EPAS1: variants seen among roughly 807,000 people sequenced by gnomAD.
EPAS1 encodes the protein endothelial PAS domain protein 1.
EPAS1 carries 23 observed loss-of-function variants against 87.9 expected under a neutral mutation model. The ratio of observed to expected loss-of-function variants is 0.26; its 90% CI spans 0.19 to 0.37. The LOEUF (loss-of-function observed/expected upper bound fraction) is 0.37, where lower values mean the gene tolerates loss of function less well. Among genes scored for constraint, EPAS1 ranks in the 10% least tolerant of loss-of-function variants. EPAS1 has a pLI of 1.00. For synonymous variants in EPAS1, 508 were observed against 444.3 expected, an observed-to-expected ratio of 1.14 and a Z score of -1.80; for missense variants, 1,138 against 1,120.7, an observed-to-expected ratio of 1.02 and a Z score of -0.22.
chr2:46,308,970 C>T (rs528948426), intron 1 of EPAS1, among the ~76,000 whole-genome samples: 2 of 152,306 alleles, frequency 1.3e-5, no homozygotes, highest in African/African-American at 4.8e-5. Flanking sequence ...TTGGGGGTGG[C>T]GTATGTCCCT....
intron 1 of EPAS1, among the ~76,000 whole-genome samples, chr2:46,299,815 G>A (rs1450533113): frequency 3.9e-5 from 6 of 152,226 alleles, no homozygotes; most frequent in Non-Finnish European, 2.9e-5. Context: ...TTCGTTAGCG[G>A]ACTGTTGGAA....
intron 1 of EPAS1, among the ~76,000 whole-genome samples, chr2:46,305,756 A>T (rs528770928): frequency 2.0e-5 from 3 of 152,346 alleles, no homozygotes; most frequent in East Asian, 1.9e-4. Context: ...TATTAAAAAA[A>T]CTAAGAGATA....
At position 46,356,294 on chromosome 2, in the gene EPAS1, C is replaced by T; in HGVS notation, c.361C>T (p.Leu121Phe). The change falls in exon 3 of 16, where the codon CTT becomes TTT. Residue 121 changes from leucine (L) to phenylalanine (F), a missense_variant. By Grantham distance (22) the Leu-to-Phe change is conservative. This residue lies in a region of EPAS1 where 351 missense variants were observed against 417.1 expected (regional missense o/e 0.84). Coordinates refer to ENST00000263734, the MANE Select transcript of EPAS1 (RefSeq NM_001430.5). ...AGAAAACATCAGCAAGTTCATGGGA[C>T]TTACACAGGTGACACCCTCCTCTAT... ...LSENISKFMGLTQVELTGHSI... is the reference protein window; with the variant it reads ...LSENISKFMGFTQVELTGHSI... 1 of 1,614,212 alleles carries T rather than the reference C, an allele frequency of 6.2e-7. No homozygotes were observed. Among genetic ancestry groups the T allele is most frequent in the South Asian group, 1.1e-5 (1 of 91,084 alleles).
At chr2:46,332,595 A>G (rs1683709064) in intron 1 of EPAS1, among the ~76,000 whole-genome samples, 1 of 152,066 alleles carries the variant, frequency 6.6e-6, no homozygotes, top group Admixed American at 6.5e-5. Context: ...GTTTTTTCCA[A>G]AGTGTGGGCT....
At chr2:46,335,403 AC>A (rs1553392467) in intron 1 of EPAS1, among the ~76,000 whole-genome samples, 1 of 68,606 alleles carries the variant, frequency 1.5e-5, no homozygotes, top group Non-Finnish European at 2.7e-5. Flanking sequence ...CCCGCCCCCC[AC>A]CCGCCTTTTT....
At chr2:46,302,160 C>T (rs1433379878) in intron 1 of EPAS1, among the ~76,000 whole-genome samples, 6 of 73,840 alleles carry the variant, frequency 8.1e-5, no homozygotes, top group East Asian at 3.3e-4. Context: ...GCCCGTGCGT[C>T]GGGGGGGGGG....
intron 1 of EPAS1, among the ~76,000 whole-genome samples, chr2:46,329,562 G>A (rs191540212): frequency 8.5e-4 from 129 of 152,170 alleles, no homozygotes; most frequent in African/African-American, 2.4e-3. Context: ...GGTGGCTCGC[G>A]CCTGTAATCC....
chr2:46,297,810 C>A lies in EPAS1; in HGVS notation c.-102C>A. The A allele has an allele frequency of 6.6e-7, 1 of 1,518,836 alleles. No individual in the cohort carries two copies. Among genetic ancestry groups the A allele is most frequent in the Non-Finnish European group, 8.9e-7 (1 of 1,120,238 alleles). The allele number at this position is 1,518,836 out of a possible 1,614,324, so 94.1% of individuals were successfully genotyped here. ...GACCTGCGCGCACCTCGGACCTTCA[C>A]CACCCGCCCGGGCCGCGGGGAGCGG... On this transcript the variant is annotated 5_prime_UTR_variant, in exon 1 of 16. Coordinates refer to ENST00000263734, the MANE Select transcript of EPAS1 (RefSeq NM_001430.5).
Position 46,386,337 on chromosome 2 carries a change from C to T in EPAS1, c.*1677C>T, listed in dbSNP as rs947382190. The T allele has an allele frequency of 6.6e-6, 1 of 152,540 alleles. No individual in the cohort carries two copies. The highest frequency in any genetic ancestry group is 1.5e-5 in the Non-Finnish European group (1 of 68,012). 9.4% of individuals were successfully genotyped at this position (152,540 alleles called of 1,614,324 possible). On this transcript the variant is annotated 3_prime_UTR_variant, in exon 16 of 16. Transcript: ENST00000263734. ...ATTGCCAAAAACAAAAAATAGCTTT[C>T]AAAAGAAATTTAAGTTCTATGAGAA...
At position 46,384,774 on chromosome 2, in the gene EPAS1, G is replaced by A. The variant is rs1684976308; in HGVS notation, c.*114G>A. Reference sequence around the variant, plus strand: ...ACGCCAGCACACTATTTACAAGATGGACTTACCTGGCAGACTTGCCCAGGT... The same window carrying A: ...ACGCCAGCACACTATTTACAAGATGAACTTACCTGGCAGACTTGCCCAGGT... On this transcript the variant is annotated 3_prime_UTR_variant, in exon 16 of 16. Coordinates refer to ENST00000263734, the MANE Select transcript of EPAS1 (RefSeq NM_001430.5). 4.3e-6 allele frequency: 6 copies of A among 1,411,166 alleles called. No homozygotes were observed. The South Asian group carries it at 7.4e-5, about 17-fold the overall frequency. The allele number at this position is 1,411,166 out of a possible 1,614,324, so 87.4% of individuals were successfully genotyped here.
At chr2:46,370,060 A>G in intron 7 of EPAS1, 127 bp downstream of exon 7, 1 of 765,660 alleles carries the variant, frequency 1.3e-6, no homozygotes, top group South Asian at 1.5e-5. Context: ...TGTGGCAGAC[A>G]AGACTTATGC....
At chr2:46,379,079 A>G (rs2103669878) in intron 11 of EPAS1, among the ~76,000 whole-genome samples, 1 of 152,386 alleles carries the variant, frequency 6.6e-6, no homozygotes, top group South Asian at 2.1e-4. Context: ...AAGCATAGCC[A>G]GATGTATAAA....
chr2:46,361,033 G>T lies in EPAS1; in HGVS notation c.722G>T (p.Ser241Ile). Residue 241 changes from serine to isoleucine, a missense_variant, in exon 6 of 16, where the codon AGC (serine) becomes ATC (isoleucine). Ser to Ile is a moderately radical substitution (Grantham distance 142). This residue lies in a region of EPAS1 where 351 missense variants were observed against 417.1 expected (regional missense o/e 0.84). Transcript: ENST00000263734. ...TCCCACATGGACATCCCCCTGGATA[G>T]CAAGACCTTCCTGAGCCGCCACAGC... ...HPSHMDIPLDSKTFLSRHSMD... is the reference protein window; with the variant it reads ...HPSHMDIPLDIKTFLSRHSMD... 1 of 1,614,150 alleles carries T rather than the reference G, an allele frequency of 6.2e-7. No individual in the cohort carries two copies. Among genetic ancestry groups the T allele is most frequent in the South Asian group, 1.1e-5 (1 of 91,082 alleles).
rs2103675761 is a variant in EPAS1, at chr2:46,381,606, G to A, written c.2056G>A (p.Gly686Ser). ...VSTFKTRSAK[G>S]FGARGPDVLS... ...TCTCGGGCTTGGCAGGTCTGCAAAGGGTTTTGGGGCTCGAGGCCCAGACGT... is the reference window on the plus strand; with the variant it reads ...TCTCGGGCTTGGCAGGTCTGCAAAGAGTTTTGGGGCTCGAGGCCCAGACGT... The change falls in exon 13 of 16, where the codon GGT (glycine) becomes AGT (serine). Residue 686 changes from glycine (G) to serine (S), a missense_variant. Physicochemically the swap from Gly to Ser is moderately conservative, Grantham distance 56 (BLOSUM62 0). Transcript: ENST00000263734. 6.2e-7 allele frequency: 1 copy of A among 1,614,026 alleles called. No homozygotes were observed.
chr2:46,334,953 C>T (rs1225282612), intron 1 of EPAS1, among the ~76,000 whole-genome samples: 1 of 152,190 alleles, frequency 6.6e-6, no homozygotes, highest in Non-Finnish European at 1.5e-5. Flanking sequence ...TCCCACAATA[C>T]TAGACATGTG....
Position 46,382,464 on chromosome 2 carries a change from C to T in EPAS1, c.2327C>T (p.Pro776Leu), listed in dbSNP as rs1449817007. The T allele has an allele frequency of 2.5e-6, 4 of 1,614,046 alleles. No individual in the cohort carries two copies. The highest frequency in any genetic ancestry group is 3.3e-5 in the Admixed American group (2 of 60,016). Residue 776 changes from proline to leucine, a missense_variant, in exon 15 of 16, where the codon CCC becomes CTC. By Grantham distance (98) the Pro-to-Leu change is moderately conservative (BLOSUM62 -3). Around this residue, in one of 4 missense-constraint regions of EPAS1, gnomAD observed 502 missense variants for 427.1 expected, o/e 1.18. Transcript: ENST00000263734. The stretch of plus-strand genomic sequence containing the variant: ...AACCCCATGAGGGGCCTGGGCCATC[C>T]CCTGAGACATCTGCCGCTGCCACAG... ...TQNPMRGLGH[P>L]LRHLPLPQPP...
In EPAS1 at chr2:46,333,657, A is replaced by C. The variant is rs2104860411; in HGVS notation, c.27-13216A>C. ...AAGCGTGGAGCTACAGGATCGTAGGAGCTAAGTTTGGAAAGGGCTGGGAGA... is the reference window on the plus strand; with the variant it reads ...AAGCGTGGAGCTACAGGATCGTAGGCGCTAAGTTTGGAAAGGGCTGGGAGA... On this transcript the variant is annotated intron_variant, in intron 1 of 15. Transcript: ENST00000263734. Among the ~76,000 whole-genome samples, 2 of 152,010 alleles carry C rather than the reference A, an allele frequency of 1.3e-5. 1 individual carries two copies. The highest frequency in any genetic ancestry group is 4.2e-4 in the South Asian group (2 of 4,796).
chr2:46,380,203 T>C lies in EPAS1; in HGVS notation c.1555-24T>C. ...GAGGTCGTACCAACCCCCTTGCCTCTTTGCCGGTGCTGTCTCCCCTCAGAC... is the reference window on the plus strand; with the variant it reads ...GAGGTCGTACCAACCCCCTTGCCTCCTTGCCGGTGCTGTCTCCCCTCAGAC... On this transcript the variant is annotated intron_variant, in intron 11 of 15. Coordinates refer to ENST00000263734, the MANE Select transcript of EPAS1 (RefSeq NM_001430.5). The surrounding 1 kb of genome is among the most constrained non-coding windows in gnomAD (Gnocchi z 4.4). 6.2e-7 allele frequency: 1 copy of C among 1,605,436 alleles called. No homozygotes were observed. The highest frequency in any genetic ancestry group is 8.5e-7 in the Non-Finnish European group (1 of 1,179,932).
At chr2:46,364,864 C>A (rs1303474901) in intron 6 of EPAS1, among the ~76,000 whole-genome samples, 1 of 152,188 alleles carries the variant, frequency 6.6e-6, no homozygotes, top group Non-Finnish European at 1.5e-5. Context: ...TGCTATGTAA[C>A]TGTGTGCCAG....
Sources: allele counts gnomAD v4.1 joint callset (sites outside exome capture counted in the v4.1 genomes callset), GRCh38; gene constraint gnomAD v4.1.1; regional missense constraint gnomAD v4.1.1; non-coding constraint Gnocchi (gnomAD v3.1); transcripts MANE v1.5; gene names NCBI Gene and HGNC (gene_info 2026-07-23, HGNC 2026-07-21).